Variants in USH1C observed in about 807,000 individuals in gnomAD.
The protein encoded by USH1C is USH1 protein network component harmonin, also known as harmonin.
A neutral mutation model predicts 119.3 loss-of-function variants in USH1C; 90 were observed. That is an observed-to-expected ratio of 0.75 (90% CI 0.64 to 0.90). The LOEUF (loss-of-function observed/expected upper bound fraction) is 0.90. USH1C is among the 40% of genes least tolerant of loss of function. The pLI, the probability that USH1C is intolerant of heterozygous loss-of-function variation, is 0.00. For synonymous variants in USH1C, 465 were observed against 443.3 expected (o/e 1.05, Z -0.62); for missense variants, 1,165 against 1,167.7 (o/e 1.00, Z 0.03).
Position 17,496,828 on chromosome 11 carries a change from C to G in USH1C, c.2491-15G>C, listed in dbSNP as rs772514718. 3.7e-6 allele frequency: 6 copies of G among 1,613,940 alleles called. No homozygotes were observed. The South Asian group carries it at 6.6e-5, about 18-fold the overall frequency. ...TCGATCCAGTCCTGTGGGGAGAAGCCGTGTGACTCTGGGGCACACTCAGTT... is the reference window on the plus strand; with the variant it reads ...TCGATCCAGTCCTGTGGGGAGAAGCGGTGTGACTCTGGGGCACACTCAGTT... On this transcript the variant is annotated splice_polypyrimidine_tract_variant and intron_variant, in intron 24 of 26. Coordinates refer to ENST00000005226, the MANE Select transcript of USH1C (RefSeq NM_153676.4).
intron 18 of USH1C, among the ~76,000 whole-genome samples, chr11:17,508,857 G>A (rs1197830523): frequency 6.6e-6 from 1 of 152,168 alleles, no homozygotes; most frequent in Admixed American, 6.5e-5. Context: ...TCCTAATACT[G>A]CATTTGATGG....
Position 17,505,545 on chromosome 11 carries a change from G to A in USH1C, c.2133+285C>T, listed in dbSNP as rs374095996. ...TGAAGATTAATTGAGGCCATGCAGA[G>A]CCTGGTATATAGTAGGCTCTTCACA... On this transcript the variant is annotated intron_variant, in intron 19 of 26. Transcript: ENST00000005226. Among the ~76,000 whole-genome samples, 55 of 152,346 alleles carry A rather than the reference G, an allele frequency of 3.6e-4. No individual in the cohort carries two copies. In the South Asian group the frequency reaches 0.01, roughly 29 times the overall value.
intron 7 of USH1C, 55 bp downstream of exon 7, chr11:17,526,698 C>T (rs1013757264): frequency 2.5e-6 from 4 of 1,576,482 alleles, no homozygotes; most frequent in Admixed American, 1.7e-5. Context: ...GGACCGGCCA[C>T]CCCTCCTTGA....
In USH1C at chr11:17,494,289, C is replaced by T. The variant is rs369486851; in HGVS notation, c.*43G>A. The T allele has an allele frequency of 6.2e-5, 99 of 1,597,040 alleles. No individual in the cohort carries two copies. Among genetic ancestry groups the T allele is most frequent in the Admixed American group, 2.4e-4 (14 of 57,984 alleles). On this transcript the variant is annotated 3_prime_UTR_variant, in exon 27 of 27. Transcript: ENST00000005226. ...AGTGTGGCCTCTCTCAAGGCTGATC[C>T]GAGGCTTTGTGTTCACGAGGTGGGG...
chr11:17,501,886 A>G (rs1056665678), intron 21 of USH1C, 53 bp downstream of exon 21: 11 of 1,597,534 alleles, frequency 6.9e-6, no homozygotes, highest in Admixed American at 1.7e-5. Flanking sequence ...TCTAACCCCC[A>G]CACTGCCCTG....
Position 17,509,538 on chromosome 11 carries a change from C to T in USH1C, c.1831G>A (p.Val611Ile), listed in dbSNP as rs560416690. The T allele has an allele frequency of 5.4e-5, 51 of 948,898 alleles. No homozygotes were observed. In the African/African-American group the frequency reaches 7.0e-4, roughly 13 times the overall value. 58.8% of individuals were successfully genotyped at this position (948,898 alleles called of 1,614,324 possible). A position where few individuals can be genotyped will look rare whatever the true frequency, so the allele number is the denominator to read the frequency against. The change falls in exon 18 of 27, where the codon GTT becomes ATT. Residue 611 changes from valine to isoleucine, a missense_variant. By Grantham distance (29) the Val-to-Ile change is conservative. Transcript: ENST00000005226. ...GTGGGAGTGAGGTCTTGGGTGGGAA[C>T]GGATGGCGGGGGAGGGATGGGAATG... ...PPIPIPPPPS[V>I]PTQDLTPTRP...
intron 20 of USH1C, among the ~76,000 whole-genome samples, chr11:17,503,173 AGT>A (rs1402523154): frequency 6.6e-6 from 1 of 152,212 alleles, no homozygotes; most frequent in Non-Finnish European, 1.5e-5. Flanking sequence ...CATCCAGGTC[AGT>A]GTGTGGGCAG....
rs555200244 is a variant in USH1C, at chr11:17,538,976, T to G, written c.36+5296A>C. On this transcript the variant is annotated intron_variant, in intron 1 of 26. Coordinates refer to ENST00000005226, the MANE Select transcript of USH1C (RefSeq NM_153676.4). ...CCAGGGTGCAGCTTGTTGGGTCATT[T>G]AATCCTGCCCTTTTCTGTAGAACCT... 2.0e-5 allele frequency among the ~76,000 whole-genome samples: 3 copies of G among 152,302 alleles called. No homozygotes were observed. The East Asian group carries it at 5.8e-4, about 29-fold the overall frequency.
In USH1C at chr11:17,498,962, A is replaced by T. The variant is rs1849341844; in HGVS notation, c.2381-691T>A. Among the ~76,000 whole-genome samples the T allele has an allele frequency of 1.3e-5, 2 of 152,238 alleles. 1 individual carries two copies. Among genetic ancestry groups the T allele is most frequent in the South Asian group, 4.1e-4 (2 of 4,836 alleles). ...CTGACACAAAATAGGACCTCAGTAG[A>T]TATTTGTTGAATAAATGAAGCTGTA... On this transcript the variant is annotated intron_variant, in intron 23 of 26. Transcript: ENST00000005226.
rs1183490845 is a variant in USH1C at position 17,524,487 on chromosome 11, C to T, written c.723G>A (p.Val241=). The T allele has an allele frequency of 6.3e-7, 1 of 1,574,938 alleles. No individual in the cohort carries two copies. The highest frequency in any genetic ancestry group is 8.6e-7 in the Non-Finnish European group (1 of 1,158,526). The change falls in exon 9 of 27, where the codon GTG becomes GTA. Residue 241 remains valine, a synonymous_variant. Transcript: ENST00000005226. ...CCTCAGCAGACAGGGAGCCAGGTTTCACATGGCTGATAAAGATGCCAGGCT... is the reference window on the plus strand; with the variant it reads ...CCTCAGCAGACAGGGAGCCAGGTTTTACATGGCTGATAAAGATGCCAGGCT... ...IQKPGIFISH[V]KPGSLSAEVG...
chr11:17,504,797 G>A (rs746677181), intron 19 of USH1C, 100 bp from the exon 20 acceptor site: 105 of 1,249,832 alleles, frequency 8.4e-5, no homozygotes, highest in South Asian at 1.7e-4. Context: ...TGGGGCTGCC[G>A]TGCCAATGTC....
At chr11:17,519,709 T>A (rs1462084103) in intron 14 of USH1C, among the ~76,000 whole-genome samples, 1 of 152,182 alleles carries the variant, frequency 6.6e-6, no homozygotes, top group Admixed American at 6.5e-5. Context: ...GATGAGAGTG[T>A]GCTTTGTCCT....
chr11:17,517,860 A>T (rs2240486), intron 14 of USH1C, among the ~76,000 whole-genome samples: 113,248 of 152,126 alleles, frequency 0.74, 42,254 homozygotes, highest in South Asian at 0.81. Flanking sequence ...CAGACCCTCC[A>T]GCCTTGTGCT....
intron 20 of USH1C, 103 bp from the exon 21 acceptor site, chr11:17,502,083 A>T: frequency 7.8e-7 from 1 of 1,281,402 alleles, no homozygotes; most frequent in Non-Finnish European, 1.1e-6. Flanking sequence ...GTCAGAAGTG[A>T]GGGGTAGGGC....
At chr11:17,520,698 C>T (rs1850369817) in intron 14 of USH1C, among the ~76,000 whole-genome samples, 172 bp downstream of exon 14, 1 of 152,150 alleles carries the variant, frequency 6.6e-6, no homozygotes, top group African/African-American at 2.4e-5. Context: ...AGACAGATCC[C>T]TCCTACCTCG....
At chr11:17,515,309 A>G (rs565346422) in intron 15 of USH1C, among the ~76,000 whole-genome samples, 2 of 152,392 alleles carry the variant, frequency 1.3e-5, no homozygotes, top group Admixed American at 1.3e-4. Flanking sequence ...ATGTTCCTAG[A>G]TAAAGGCATT....
At chr11:17,543,022 G>T (rs1195595186) in intron 1 of USH1C, among the ~76,000 whole-genome samples, 1 of 152,210 alleles carries the variant, frequency 6.6e-6, no homozygotes, top group Non-Finnish European at 1.5e-5. Context: ...GCCTCAACAC[G>T]CAGCACTCAG....
intron 14 of USH1C, among the ~76,000 whole-genome samples, chr11:17,519,315 G>C (rs1289197183): frequency 1.3e-5 from 2 of 152,236 alleles, no homozygotes; most frequent in Non-Finnish European, 2.9e-5. Flanking sequence ...AGCTCAGCGG[G>C]CAGGCGGGGG....
intron 8 of USH1C, among the ~76,000 whole-genome samples, chr11:17,525,195 C>T (rs1419503156): frequency 6.6e-6 from 1 of 152,222 alleles, no homozygotes; most frequent in African/African-American, 2.4e-5. Context: ...CAAAGCAGCA[C>T]TCCAGGGAGC....
Sources: gnomAD v4.1 joint callset for allele counts (sites outside exome capture counted in the v4.1 genomes callset) on GRCh38, gnomAD v4.1.1 for gene constraint, MANE v1.5 for transcripts, NCBI Gene and HGNC (gene_info 2026-07-23, HGNC 2026-07-21) for gene names.